Variants in NPAS3 observed in about 807,000 individuals in gnomAD.
NPAS3 encodes the protein neuronal PAS domain-containing protein 3.
A neutral mutation model predicts 73.1 loss-of-function variants in NPAS3; 14 were observed. That is an observed-to-expected ratio of 0.19 (90% confidence interval 0.13 to 0.30). The LOEUF (loss-of-function observed/expected upper bound fraction) is 0.30. Among genes scored for constraint, NPAS3 ranks in the 10% least tolerant of loss-of-function variants. The probability of loss-of-function intolerance (pLI) is 1.00; values close to 1 mark genes in which losing one functional copy is unlikely to be tolerated. For synonymous variants in NPAS3, 620 were observed against 541.5 expected, an observed-to-expected ratio of 1.14 and a Z score of -2.01; for missense variants, 1,096 against 1,250.0, an observed-to-expected ratio of 0.88 and a Z score of 1.86.
intron 4 of NPAS3, among the ~76,000 whole-genome samples, chr14:33,474,210 A>G (rs1486088021): frequency 6.6e-6 from 1 of 152,172 alleles, no homozygotes; most frequent in African/African-American, 2.4e-5. Flanking sequence ...TGGAGGGGGA[A>G]AAGACTGTTA....
At chr14:33,443,533 T>C (rs1352478500) in intron 4 of NPAS3, among the ~76,000 whole-genome samples, 1 of 152,168 alleles carries the variant, frequency 6.6e-6, no homozygotes, top group Non-Finnish European at 1.5e-5. Flanking sequence ...ATACATGACA[T>C]GCCTGGAGGT....
At chr14:33,402,973 A>G (rs2138774363) in intron 4 of NPAS3, among the ~76,000 whole-genome samples, 1 of 152,238 alleles carries the variant, frequency 6.6e-6, no homozygotes, top group East Asian at 1.9e-4. Context: ...GGGGAGTGGT[A>G]TCTTCCATGC....
intron 3 of NPAS3, among the ~76,000 whole-genome samples, chr14:33,237,120 A>C (rs1400471073): frequency 6.6e-6 from 1 of 152,128 alleles, no homozygotes; most frequent in Non-Finnish European, 1.5e-5. Context: ...TTAACACAAC[A>C]GAGCAACCGT....
intron 2 of NPAS3, among the ~76,000 whole-genome samples, chr14:33,080,573 G>GA (rs2041834788): frequency 1.3e-5 from 2 of 152,194 alleles, no homozygotes; most frequent in South Asian, 4.1e-4. Context: ...TAAAGTTGGA[G>GA]AAAGTCTCTA....
intron 4 of NPAS3, among the ~76,000 whole-genome samples, chr14:33,458,823 G>A (rs2050130978): frequency 6.6e-6 from 1 of 152,194 alleles, no homozygotes; most frequent in Admixed American, 6.5e-5. Flanking sequence ...TTACATACGA[G>A]AGTTTTGTTA....
chr14:33,535,521 T>C (rs1051185829), intron 4 of NPAS3, among the ~76,000 whole-genome samples: 2 of 152,196 alleles, frequency 1.3e-5, no homozygotes, highest in Admixed American at 1.3e-4. Context: ...ACACCGACTA[T>C]CTGCCTAGTT....
At chr14:33,734,353 G>A (rs751596914) in intron 6 of NPAS3, among the ~76,000 whole-genome samples, 15 of 152,016 alleles carry the variant, frequency 9.9e-5, no homozygotes, top group Admixed American at 4.6e-4. Context: ...AGATTTTTAC[G>A]TTGCCTTCTG....
intron 4 of NPAS3, among the ~76,000 whole-genome samples, chr14:33,426,480 G>T (rs1177124358): frequency 6.6e-6 from 1 of 152,046 alleles, no homozygotes; most frequent in Non-Finnish European, 1.5e-5. Flanking sequence ...GGACTGAGCT[G>T]CCTGGCTATG....
At chr14:33,366,129 C>A (rs2045828422) in intron 3 of NPAS3, among the ~76,000 whole-genome samples, 1 of 152,092 alleles carries the variant, frequency 6.6e-6, no homozygotes, top group Admixed American at 6.5e-5. Flanking sequence ...CTTTTGATTT[C>A]TGTACGTCAC....
chr14:33,222,415 T>C (rs2047465551), intron 3 of NPAS3, among the ~76,000 whole-genome samples: 1 of 152,216 alleles, frequency 6.6e-6, no homozygotes, highest in Non-Finnish European at 1.5e-5. Context: ...AGTATCACAT[T>C]CTGAGACCCA....
intron 6 of NPAS3, among the ~76,000 whole-genome samples, chr14:33,713,383 A>G (rs554400349): frequency 6.6e-6 from 1 of 152,330 alleles, no homozygotes; most frequent in East Asian, 1.9e-4. Context: ...CCATGTCCAG[A>G]TGAAGACAAG....
In NPAS3 at chr14:33,135,150, T is replaced by A. The variant is rs551280437; in HGVS notation, c.140+79156T>A. Among the ~76,000 whole-genome samples the A allele has an allele frequency of 2.6e-5, 4 of 152,360 alleles. No individual in the cohort carries two copies. The South Asian group carries it at 8.3e-4, about 32-fold the overall frequency. ...TGAAATTCACTTTTGGTTTCTGGAC[T>A]CCACAGCTATTTTACTCAGTTGGCT... On this transcript the variant is annotated intron_variant, in intron 2 of 11. Transcript: ENST00000356141.
chr14:33,368,260 A>G, intron 4 of NPAS3, among the ~76,000 whole-genome samples: 1 of 151,580 alleles, frequency 6.6e-6, no homozygotes. Context: ...TACATTTAGC[A>G]TATTATCTTT....
chr14:33,686,303 C>T (rs1275532050), intron 6 of NPAS3, among the ~76,000 whole-genome samples: 1 of 152,150 alleles, frequency 6.6e-6, no homozygotes, highest in Non-Finnish European at 1.5e-5. Context: ...AGAATGGGCC[C>T]AGATCAGGGA....
At chr14:33,003,422 T>C (rs1210985520) in intron 1 of NPAS3, among the ~76,000 whole-genome samples, 2 of 152,218 alleles carry the variant, frequency 1.3e-5, no homozygotes, top group Non-Finnish European at 2.9e-5. Flanking sequence ...TTGGGAAAGC[T>C]GACTGTAAGA....
At chr14:33,125,437 A>T (rs983998202) in intron 2 of NPAS3, among the ~76,000 whole-genome samples, 2 of 151,504 alleles carry the variant, frequency 1.3e-5, no homozygotes, top group Non-Finnish European at 2.9e-5. Context: ...AAAAAATGAG[A>T]TTTTTTTTTC....
intron 1 of NPAS3, among the ~76,000 whole-genome samples, chr14:32,958,673 G>T (rs1034399400): frequency 2.6e-5 from 4 of 152,146 alleles, no homozygotes; most frequent in Non-Finnish European, 2.9e-5. Flanking sequence ...ATACAGCTGT[G>T]TATTGTCCAT....
intron 3 of NPAS3, among the ~76,000 whole-genome samples, chr14:33,273,773 A>G (rs544600290): frequency 7.1e-4 from 108 of 152,172 alleles, no homozygotes; most frequent in Admixed American, 1.6e-3. Flanking sequence ...AGGCAGGGGT[A>G]CTTGTTTTGT....
intron 5 of NPAS3, among the ~76,000 whole-genome samples, chr14:33,672,680 C>G (rs2059643180): frequency 6.8e-6 from 1 of 147,236 alleles, no homozygotes; most frequent in Non-Finnish European, 1.5e-5. Context: ...TCTGTCTCAC[C>G]TGGTGAGTAC....
Sources: gnomAD v4.1 joint callset for allele counts (sites outside exome capture counted in the v4.1 genomes callset) on GRCh38, gnomAD v4.1.1 for gene constraint, MANE v1.5 for transcripts, NCBI Gene and HGNC (gene_info 2026-07-23, HGNC 2026-07-21) for gene names.